Variants in ATR observed in about 807,000 individuals in gnomAD.
ATR encodes the protein serine/threonine-protein kinase ATR.
A neutral mutation model predicts 305.3 loss-of-function variants in ATR; 142 were observed. The observed-to-expected ratio is 0.47, with a 90% CI of 0.41 to 0.53. The LOEUF is 0.53. Among genes scored for constraint, ATR ranks in the 20% least tolerant of loss-of-function variants. The probability of loss-of-function intolerance (pLI) is 0.00; values close to 1 mark genes in which losing one functional copy is unlikely to be tolerated. For missense variants in ATR, 2,135 were observed against 3,133.1 expected (o/e 0.68, Z 7.60); for synonymous variants, 1,050 against 1,068.1 (o/e 0.98, Z 0.33).
rs1449202692 is a variant in ATR at position 142,561,245 on chromosome 3, C to T, written c.1347G>A (p.Glu449=). 6.2e-7 allele frequency: 1 copy of T among 1,613,422 alleles called. No individual in the cohort carries two copies. Residue 449 remains glutamate (E), a splice_region_variant and synonymous_variant, in exon 5 of 47, where the codon GAG becomes GAA. Coordinates refer to ENST00000350721, the MANE Select transcript of ATR (RefSeq NM_001184.4). The stretch of plus-strand genomic sequence containing the variant: ...AAACTGAATGAAGGTCATCATACTC[C>T]TCAGTCTGTTTTGGTGCTCTTTTAG... ...NPSKRAPKQT[E]EIKHVDMNQK...
intron 24 of ATR, among the ~76,000 whole-genome samples, chr3:142,517,558 T>C (rs1268680972): frequency 6.6e-6 from 1 of 152,186 alleles, no homozygotes; most frequent in Non-Finnish European, 1.5e-5. Flanking sequence ...TATCAACCTC[T>C]TAATTTTATG....
At chr3:142,452,517 TATA>T (rs2070813918) in intron 46 of ATR, 10 of 634,366 alleles carry the variant, frequency 1.6e-5, no homozygotes, top group Non-Finnish European at 1.6e-5. Flanking sequence ...CTACTAAAAA[TATA>T]ATAATTAGCC....
intron 21 of ATR, among the ~76,000 whole-genome samples, chr3:142,526,792 TG>T (rs2033410514): frequency 6.6e-6 from 1 of 151,188 alleles, no homozygotes. Flanking sequence ...GGTTTGTTTT[TG>T]TTTTTTTTTT....
chr3:142,566,447 C>A (rs2035074658), intron 2 of ATR, among the ~76,000 whole-genome samples, 186 bp from the exon 3 acceptor site: 1 of 151,772 alleles, frequency 6.6e-6, no homozygotes, highest in African/African-American at 2.4e-5. Flanking sequence ...GTCAAGATCC[C>A]GTCTCTACAA....
chr3:142,490,579 A>G (rs936186235), intron 35 of ATR, among the ~76,000 whole-genome samples: 1 of 152,176 alleles, frequency 6.6e-6, no homozygotes, highest in African/African-American at 2.4e-5. Flanking sequence ...ACCTTTGCCT[A>G]CCCTAAGGTT....
rs577692059 is a variant in ATR, at chr3:142,454,720, C to T, written c.7656-1487G>A. On this transcript the variant is annotated intron_variant, in intron 45 of 46. Coordinates refer to ENST00000350721, the MANE Select transcript of ATR (RefSeq NM_001184.4). Reference sequence around the variant, plus strand: ...CCTCCCAAAGTGCTGGGATTACAGGCGTGAGCCACCGCGCCCGGCCCGATA... The same window carrying T: ...CCTCCCAAAGTGCTGGGATTACAGGTGTGAGCCACCGCGCCCGGCCCGATA... Among the ~76,000 whole-genome samples, 288 of 152,192 alleles carry T rather than the reference C, an allele frequency of 1.9e-3. 3 individuals are homozygous for T. The highest frequency in any genetic ancestry group is 6.5e-3 in the African/African-American group (271 of 41,520).
intron 14 of ATR, 22 bp downstream of exon 14, chr3:142,550,110 T>C: frequency 1.2e-6 from 2 of 1,613,256 alleles, no homozygotes; most frequent in Non-Finnish European, 1.7e-6. Flanking sequence ...AAACCTCAAG[T>C]GAACTATATG....
At chr3:142,524,644 TA>T (rs1577631495) in intron 21 of ATR, among the ~76,000 whole-genome samples, 1 of 152,140 alleles carries the variant, frequency 6.6e-6, no homozygotes, top group East Asian at 1.9e-4. Context: ...TTTCAGTAGA[TA>T]AGTGGAGGAG....
intron 36 of ATR, among the ~76,000 whole-genome samples, chr3:142,475,528 T>C (rs1417139453): frequency 2.6e-5 from 4 of 152,202 alleles, no homozygotes; most frequent in Non-Finnish European, 5.9e-5. Flanking sequence ...TCCAAGTCTT[T>C]GCTATTGTGA....
At chr3:142,464,646 T>C (rs553134274) in intron 41 of ATR, among the ~76,000 whole-genome samples, 8 of 152,312 alleles carry the variant, frequency 5.3e-5, no homozygotes, top group African/African-American at 1.9e-4. Flanking sequence ...ACTGCACTTA[T>C]ATGAGGTACC....
intron 30 of ATR, among the ~76,000 whole-genome samples, chr3:142,500,599 A>T (rs2031908605): frequency 6.6e-6 from 1 of 152,222 alleles, no homozygotes; most frequent in Non-Finnish European, 1.5e-5. Flanking sequence ...AATATCCTCA[A>T]AAGTTTTCCT....
intron 45 of ATR, among the ~76,000 whole-genome samples, chr3:142,456,559 G>A (rs537280609): frequency 2.6e-4 from 40 of 151,222 alleles, no homozygotes; most frequent in Admixed American, 1.9e-3. Context: ...GTGACAGAGC[G>A]AAACCCTGTC....
Position 142,505,292 on chromosome 3 carries a change from A to C in ATR, c.5043T>G (p.Ala1681=). The C allele has an allele frequency of 6.2e-7, 1 of 1,613,896 alleles. No individual in the cohort carries two copies. Among genetic ancestry groups the C allele is most frequent in the Non-Finnish European group, 8.5e-7 (1 of 1,179,884 alleles). The change falls in exon 29 of 47, where the codon GCT becomes GCG. Residue 1681 remains alanine (A), a synonymous_variant. Transcript: ENST00000350721. ...EHLGFLQKLY[A]AMHEPDGVAG... is the part of the protein sequence containing the mutation. ...CCACTCCATCAGGTTCATGCATAGC[A>C]GCATACAATTTCTTTGTTCAATGAT...
intron 24 of ATR, among the ~76,000 whole-genome samples, chr3:142,516,984 A>ATATAT (rs2032892222): frequency 7.2e-6 from 1 of 139,130 alleles, no homozygotes; most frequent in East Asian, 2.0e-4. Flanking sequence ...ATACCCAAAT[A>ATATAT]ATATATATAT....
intron 28 of ATR, 51 bp from the exon 29 acceptor site, chr3:142,505,354 G>C (rs561564481): frequency 6.3e-7 from 1 of 1,597,920 alleles, no homozygotes; most frequent in African/African-American, 1.3e-5. Flanking sequence ...AACACAACTG[G>C]AAATAAAACT....
intron 21 of ATR, among the ~76,000 whole-genome samples, chr3:142,529,785 T>G (rs981718509): frequency 6.6e-6 from 1 of 152,192 alleles, no homozygotes; most frequent in African/African-American, 2.4e-5. Flanking sequence ...CTGAGAATTC[T>G]GATACCAATC....
chr3:142,492,428 G>T (rs900983869), intron 35 of ATR, among the ~76,000 whole-genome samples: 12 of 152,238 alleles, frequency 7.9e-5, no homozygotes, highest in African/African-American at 2.6e-4. Context: ...CTGGTATTCA[G>T]CGAACACAAT....
chr3:142,471,845 A>C (rs549091568), intron 36 of ATR, among the ~76,000 whole-genome samples: 1 of 152,080 alleles, frequency 6.6e-6, no homozygotes, highest in Admixed American at 6.6e-5. Context: ...CTTCTATTTA[A>C]CTGAAGTTTT....
chr3:142,503,376 T>A lies in ATR; in HGVS notation c.5274A>T (p.Gly1758=). 1 of 1,604,966 alleles carries A rather than the reference T, an allele frequency of 6.2e-7. No homozygotes were observed. The highest frequency in any genetic ancestry group is 8.5e-7 in the Non-Finnish European group (1 of 1,172,022). The change falls in exon 30 of 47, where the codon GGA becomes GGT. Residue 1758 remains glycine (G), a synonymous_variant. Transcript: ENST00000350721. ...TAAAATATTACCTGTTAGCATGCAC[T>A]CCATTCACCTGAGTGATAACAGTAG... is the stretch of plus-strand genomic sequence containing the variant. ...QLSTVITQVN[G]VHANRSEWTD...
Sources: allele counts gnomAD v4.1 joint callset (sites outside exome capture counted in the v4.1 genomes callset), GRCh38; gene constraint gnomAD v4.1.1; transcripts MANE v1.5; gene names NCBI Gene and HGNC (gene_info 2026-07-23, HGNC 2026-07-21).